INPP5F: variants seen among roughly 807,000 people sequenced by gnomAD.
INPP5F encodes phosphatidylinositide 4-phosphatase SAC2.
A neutral mutation model predicts 137.2 loss-of-function variants in INPP5F; 97 were observed. The ratio of observed to expected loss-of-function variants is 0.71; its 90% confidence interval spans 0.60 to 0.84. The LOEUF (loss-of-function observed/expected upper bound fraction) is 0.84, where lower values mean the gene tolerates loss of function less well. Ranked by LOEUF, INPP5F falls within the 40% of genes least tolerant of loss-of-function variation. INPP5F has a pLI of 0.00. For synonymous variants in INPP5F, 504 were observed against 476.9 expected, an observed-to-expected ratio of 1.06 and a Z score of -0.74; for missense variants, 1,271 against 1,371.9, an observed-to-expected ratio of 0.93 and a Z score of 1.16.
At chr10:119,770,867 T>C (rs1410456931) in intron 2 of INPP5F, among the ~76,000 whole-genome samples, 1 of 152,208 alleles carries the variant, frequency 6.6e-6, no homozygotes, top group African/African-American at 2.4e-5. Context: ...TTTTATCCTC[T>C]TCTTAAGACT....
intron 2 of INPP5F, among the ~76,000 whole-genome samples, chr10:119,757,020 C>G (rs1228381209): frequency 2.0e-5 from 3 of 152,142 alleles, no homozygotes; most frequent in Non-Finnish European, 2.9e-5. Context: ...TGTCTTCCGA[C>G]AACTCAAACG....
At chr10:119,726,921 C>A (rs1053689700) in intron 1 of INPP5F, among the ~76,000 whole-genome samples, 1 of 152,146 alleles carries the variant, frequency 6.6e-6, no homozygotes, top group African/African-American at 2.4e-5. Context: ...GACTTTAATA[C>A]CACAGCACAA....
intron 1 of INPP5F, among the ~76,000 whole-genome samples, chr10:119,742,437 T>C (rs1848404195): frequency 6.6e-6 from 1 of 151,746 alleles, no homozygotes; most frequent in Admixed American, 6.6e-5. Flanking sequence ...ATTACAGGCA[T>C]GAGGCACTGC....
intron 2 of INPP5F, among the ~76,000 whole-genome samples, chr10:119,777,098 GT>G (rs1393788213): frequency 6.6e-6 from 1 of 152,014 alleles, no homozygotes; most frequent in Non-Finnish European, 1.5e-5. Flanking sequence ...GCCTTGCTGT[GT>G]TGCCAGGCTG....
intron 6 of INPP5F, among the ~76,000 whole-genome samples, chr10:119,794,642 T>TG (rs1228722366): frequency 2.6e-5 from 2 of 75,648 alleles, no homozygotes; most frequent in African/African-American, 4.8e-5. Flanking sequence ...GCTGGCCAGG[T>TG]GGGGGGCTGA....
intron 1 of INPP5F, among the ~76,000 whole-genome samples, chr10:119,727,305 A>C (rs374412594): frequency 5.8e-4 from 89 of 152,360 alleles, no homozygotes; most frequent in African/African-American, 2.1e-3. Flanking sequence ...GTCTAGACAG[A>C]AGGATTACAT....
At chr10:119,774,287 C>T (rs1381590601) in intron 2 of INPP5F, among the ~76,000 whole-genome samples, 1 of 149,358 alleles carries the variant, frequency 6.7e-6, no homozygotes, top group Non-Finnish European at 1.5e-5. Flanking sequence ...AAAAAAACTC[C>T]CTAGAAGTCC....
At chr10:119,744,996 CT>C (rs10710948) in intron 1 of INPP5F, among the ~76,000 whole-genome samples, 132,556 of 151,396 alleles carry the variant, frequency 0.88, 58,072 homozygotes, top group Middle Eastern at 0.91. Context: ...AGTTTTTTTT[CT>C]TTTTTTTTTT....
intron 2 of INPP5F, among the ~76,000 whole-genome samples, chr10:119,753,104 ACCTGTC>A (rs539239095): frequency 6.2e-4 from 94 of 152,302 alleles, no homozygotes; most frequent in African/African-American, 2.3e-3. Flanking sequence ...ACAGTCTCCT[ACCTGTC>A]CACATTTACC....
At position 119,826,881 on chromosome 10, in the gene INPP5F, A is replaced by G. The variant is rs773931197; in HGVS notation, c.2500A>G (p.Met834Val). ...GAAATCAGATAGTAGTCTTGAAACT[A>G]TGGAAAACACAGGAGTGATGGATAA... ...LWKSDSSLETMENTGVMDKVQ... is the reference protein window; with the variant it reads ...LWKSDSSLETVENTGVMDKVQ... The change falls in exon 20 of 20, where the codon ATG (methionine) becomes GTG (valine). Residue 834 changes from methionine (M) to valine (V), a missense_variant. Transcript: ENST00000650623. 16 of 1,614,062 alleles carry G rather than the reference A, an allele frequency of 9.9e-6. No homozygotes were observed. The Admixed American group carries it at 2.2e-4, about 22-fold the overall frequency.
chr10:119,740,034 A>T (rs950583530), intron 1 of INPP5F, among the ~76,000 whole-genome samples: 2 of 151,696 alleles, frequency 1.3e-5, no homozygotes, highest in South Asian at 2.1e-4. Context: ...GCTTTTCTTA[A>T]TTTTTTTCCC....
intron 1 of INPP5F, among the ~76,000 whole-genome samples, chr10:119,738,268 CTT>C (rs1264329913): frequency 6.6e-6 from 1 of 152,164 alleles, no homozygotes; most frequent in Non-Finnish European, 1.5e-5. Flanking sequence ...GTAAGCAACT[CTT>C]TTCCTTATAG....
chr10:119,824,764 T>C (rs1218899161), intron 19 of INPP5F, among the ~76,000 whole-genome samples: 1 of 152,230 alleles, frequency 6.6e-6, no homozygotes, highest in Non-Finnish European at 1.5e-5. Flanking sequence ...TCTATGGTCA[T>C]TTTTCTAATT....
chr10:119,800,973 AG>A (rs1850568654), intron 9 of INPP5F, among the ~76,000 whole-genome samples: 1 of 145,226 alleles, frequency 6.9e-6, no homozygotes, highest in East Asian at 2.0e-4. Flanking sequence ...AAAAAAGTGG[AG>A]GGATACCAAG....
chr10:119,793,993 ATTTTAT>A (rs1051512078), intron 6 of INPP5F, among the ~76,000 whole-genome samples: 44 of 152,268 alleles, frequency 2.9e-4, no homozygotes, highest in African/African-American at 8.4e-4. Flanking sequence ...GTTGGATGAC[ATTTTAT>A]TTTTATTTTT....
chr10:119,780,741 C>G (rs996855770), intron 2 of INPP5F, among the ~76,000 whole-genome samples: 9 of 152,282 alleles, frequency 5.9e-5, no homozygotes, highest in African/African-American at 1.9e-4. Flanking sequence ...ATAGACTTTT[C>G]TTTCTCATCA....
chr10:119,819,780 G>A lies in INPP5F; in HGVS notation c.1887-1066G>A, dbSNP rs142424174. 909 of 348,886 alleles carry A rather than the reference G, an allele frequency of 2.6e-3. 5 individuals carry two copies. Among genetic ancestry groups the A allele is most frequent in the African/African-American group, 0.016 (773 of 47,718 alleles). The allele number at this position is 348,886 out of a possible 1,614,324, so 21.6% of individuals were successfully genotyped here. A position where few individuals can be genotyped will look rare whatever the true frequency, so the allele number is the denominator to read the frequency against. ...TTGTTGTTTTAGATTAAGACTGTTG[G>A]ACTCAAGCTACAACGAGGTGTCTCT... On this transcript the variant is annotated intron_variant, in intron 15 of 19. Coordinates refer to ENST00000650623, the MANE Select transcript of INPP5F (RefSeq NM_014937.4).
chr10:119,796,848 G>T lies in INPP5F; in HGVS notation c.803G>T (p.Cys268Phe), dbSNP rs1314407631. The part of the protein sequence containing the change: ...SPETPPQEST[C>F]VDDIHPRFLV... Reference sequence around the variant, plus strand: ...GAGACCCCCCCTCAGGAGTCCACCTGTGTAGATGATATTCACCCACGATTT... The same window carrying T: ...GAGACCCCCCCTCAGGAGTCCACCTTTGTAGATGATATTCACCCACGATTT... Residue 268 changes from cysteine to phenylalanine, a missense_variant, in exon 7 of 20, where the codon TGT becomes TTT. By Grantham distance (205) the Cys-to-Phe change is radical. Around this residue, in one of 6 missense-constraint regions of INPP5F, gnomAD observed 593 missense variants for 712.4 expected, o/e 0.83. Transcript: ENST00000650623. 6.2e-7 allele frequency: 1 copy of T among 1,613,966 alleles called. No individual in the cohort carries two copies. Among genetic ancestry groups the T allele is most frequent in the Non-Finnish European group, 8.5e-7 (1 of 1,180,004 alleles).
At chr10:119,821,772 G>A (rs544119337) in intron 16 of INPP5F, among the ~76,000 whole-genome samples, 5 of 151,632 alleles carry the variant, frequency 3.3e-5, no homozygotes, top group Admixed American at 6.6e-5. Flanking sequence ...GCACACGCGC[G>A]CGCATGTGTT....
Sources: allele counts gnomAD v4.1 joint callset (sites outside exome capture counted in the v4.1 genomes callset), GRCh38; gene constraint gnomAD v4.1.1; regional missense constraint gnomAD v4.1.1; transcripts MANE v1.5; gene names NCBI Gene and HGNC (gene_info 2026-07-23, HGNC 2026-07-21).